The following ARHGAP20 variants were observed in gnomAD, a reference collection of about 807,000 sequenced individuals.
ARHGAP20 encodes the protein Rho GTPase activating protein 20.
Under a neutral mutation model 73.7 loss-of-function variants are expected in ARHGAP20, and 34 were observed. The ratio of observed to expected loss-of-function variants is 0.46; its 90% confidence interval spans 0.35 to 0.61. The LOEUF (loss-of-function observed/expected upper bound fraction) is 0.61, where lower values mean the gene tolerates loss of function less well. ARHGAP20 is among the 20% of genes least tolerant of loss of function. The probability of loss-of-function intolerance (pLI) is 0.00; values close to 1 mark genes in which losing one functional copy is unlikely to be tolerated. For synonymous variants in ARHGAP20, 523 were observed against 518.2 expected, an observed-to-expected ratio of 1.01 and a Z score of -0.13; for missense variants, 1,314 against 1,420.9, an observed-to-expected ratio of 0.92 and a Z score of 1.21.
rs534865145 is a variant in ARHGAP20 at position 110,577,517 on chromosome 11, G to A, written c.*1853C>T. On this transcript the variant is annotated 3_prime_UTR_variant, in exon 15 of 15. Coordinates refer to ENST00000683387, the MANE Select transcript of ARHGAP20 (RefSeq NM_001384657.1). ...TTCTTCCAGAAAGACACTCCAAGCCGTTAAGAGCTTCATTCACATCTTGCA... is the reference window on the plus strand; with the variant it reads ...TTCTTCCAGAAAGACACTCCAAGCCATTAAGAGCTTCATTCACATCTTGCA... 29 of 999,686 alleles carry A rather than the reference G, an allele frequency of 2.9e-5. No individual in the cohort carries two copies. Among genetic ancestry groups the A allele is most frequent in the East Asian group, 1.0e-4 (1 of 9,608 alleles). 61.9% of individuals were successfully genotyped at this position (999,686 alleles called of 1,614,324 possible).
chr11:110,685,020 G>GT (rs1422864983), intron 2 of ARHGAP20, among the ~76,000 whole-genome samples: 2 of 152,010 alleles, frequency 1.3e-5, no homozygotes, highest in African/African-American at 4.8e-5. Context: ...ACCATGCAAT[G>GT]TAACACATAC....
chr11:110,594,095 T>C (rs1294435109), intron 9 of ARHGAP20, among the ~76,000 whole-genome samples: 1 of 152,266 alleles, frequency 6.6e-6, no homozygotes, highest in Non-Finnish European at 1.5e-5. Context: ...TTGGCTACCT[T>C]AGCATTTTAT....
intron 3 of ARHGAP20, among the ~76,000 whole-genome samples, chr11:110,625,231 G>T (rs1367751259): frequency 2.7e-5 from 4 of 150,770 alleles, no homozygotes; most frequent in Non-Finnish European, 5.9e-5. Context: ...TAGAGACGGG[G>T]TTTCACCTTG....
intron 2 of ARHGAP20, among the ~76,000 whole-genome samples, chr11:110,662,169 T>C (rs991176833): frequency 6.6e-5 from 10 of 151,690 alleles, no homozygotes; most frequent in African/African-American, 2.2e-4. Flanking sequence ...TAGTTGCTTA[T>C]ATCAAAAAGG....
chr11:110,619,807 T>C (rs1948590091), intron 4 of ARHGAP20, among the ~76,000 whole-genome samples: 1 of 152,058 alleles, frequency 6.6e-6, no homozygotes, highest in Non-Finnish European at 1.5e-5. Flanking sequence ...ATAGAGTATA[T>C]GCAGTGATAG....
intron 3 of ARHGAP20, among the ~76,000 whole-genome samples, chr11:110,625,532 A>T (rs1222455476): frequency 1.3e-5 from 2 of 152,146 alleles, no homozygotes; most frequent in Non-Finnish European, 2.9e-5. Flanking sequence ...TCTGGTTAAA[A>T]GTAAAAATGT....
chr11:110,613,906 T>C (rs187121550), intron 6 of ARHGAP20, among the ~76,000 whole-genome samples: 63 of 152,326 alleles, frequency 4.1e-4, no homozygotes, highest in African/African-American at 1.5e-3. Context: ...TCATAAGTTT[T>C]CATATTTTTC....
chr11:110,647,418 G>C (rs1463992153), intron 2 of ARHGAP20, among the ~76,000 whole-genome samples: 1 of 152,006 alleles, frequency 6.6e-6, no homozygotes, highest in Non-Finnish European at 1.5e-5. Context: ...AAGAAACCAA[G>C]GGAAGATAGG....
chr11:110,708,726 G>C (rs148425063), intron 1 of ARHGAP20, among the ~76,000 whole-genome samples: 1 of 152,164 alleles, frequency 6.6e-6, no homozygotes, highest in Admixed American at 6.5e-5. Context: ...CCTGGGAATG[G>C]GGAGGGAATT....
At chr11:110,672,269 C>T (rs1258182465) in intron 2 of ARHGAP20, among the ~76,000 whole-genome samples, 2 of 152,040 alleles carry the variant, frequency 1.3e-5, no homozygotes, top group Non-Finnish European at 2.9e-5. Flanking sequence ...TGACAAAGGA[C>T]CTATATCCAA....
intron 3 of ARHGAP20, among the ~76,000 whole-genome samples, chr11:110,626,794 G>A (rs1156318060): frequency 6.6e-6 from 1 of 151,836 alleles, no homozygotes; most frequent in Non-Finnish European, 1.5e-5. Context: ...TATGGAGGCT[G>A]AGGAAGAAAT....
chr11:110,711,854 G>A, intron 1 of ARHGAP20: 1 of 1,318,058 alleles, frequency 7.6e-7, no homozygotes, highest in Non-Finnish European at 9.6e-7. Context: ...CAGAACCGGC[G>A]GCGGATGGAG....
rs146021011 is a variant in ARHGAP20 at position 110,580,287 on chromosome 11, G to A, written c.2659C>T (p.Arg887Trp). The A allele has an allele frequency of 1.6e-3, 2,569 of 1,614,202 alleles. 37 individuals are homozygous for A. In the Admixed American group the frequency reaches 0.03, roughly 19 times the overall value. The change falls in exon 15 of 15, where the codon CGG (arginine) becomes TGG (tryptophan). Residue 887 changes from arginine (R) to tryptophan (W), a missense_variant. Transcript: ENST00000683387. ...LLHGEEDYLKRHKSLQMEGQK... is the reference protein window; with the variant it reads ...LLHGEEDYLKWHKSLQMEGQK... The stretch of plus-strand genomic sequence containing the variant: ...CCCTCCATTTGCAAAGACTTATGCC[G>A]TTTGAGATAATCCTCCTCTCCATGC...
intron 2 of ARHGAP20, among the ~76,000 whole-genome samples, chr11:110,639,900 C>T (rs923088826): frequency 6.6e-6 from 1 of 151,994 alleles, no homozygotes; most frequent in African/African-American, 2.4e-5. Flanking sequence ...AATTCATGTA[C>T]ATACTGTTTT....
At chr11:110,701,776 G>C (rs1334250291) in intron 1 of ARHGAP20, among the ~76,000 whole-genome samples, 2 of 152,064 alleles carry the variant, frequency 1.3e-5, no homozygotes, top group African/African-American at 2.4e-5. Flanking sequence ...GTAAGGAAGA[G>C]ATCCAGTTTC....
intron 3 of ARHGAP20, among the ~76,000 whole-genome samples, chr11:110,626,154 C>A (rs1948739620): frequency 6.6e-6 from 1 of 152,032 alleles, no homozygotes; most frequent in South Asian, 2.1e-4. Flanking sequence ...TTATTGATGC[C>A]AACTGTTAAA....
intron 2 of ARHGAP20, among the ~76,000 whole-genome samples, chr11:110,678,545 G>A (rs79146306): frequency 2.9e-3 from 441 of 152,264 alleles, no homozygotes; most frequent in African/African-American, 1.0e-2. Context: ...ATACATGAGA[G>A]AAACATTCTA....
chr11:110,615,746 C>T (rs11213502), intron 4 of ARHGAP20, 152 bp from the exon 5 acceptor site: 202 of 666,758 alleles, frequency 3.0e-4, no homozygotes, highest in Non-Finnish European at 4.9e-4. Context: ...TAATTGTGTT[C>T]TGGAGAACTC....
chr11:110,701,155 G>T (rs1173568492), intron 1 of ARHGAP20, among the ~76,000 whole-genome samples: 1 of 151,692 alleles, frequency 6.6e-6, no homozygotes, highest in African/African-American at 2.4e-5. Flanking sequence ...GATCCCTGAG[G>T]AATCGCCACA....
Sources: allele counts gnomAD v4.1 joint callset (sites outside exome capture counted in the v4.1 genomes callset), GRCh38; gene constraint gnomAD v4.1.1; transcripts MANE v1.5; gene names NCBI Gene and HGNC (gene_info 2026-07-23, HGNC 2026-07-21).